Variants in KLHL3 observed in about 807,000 individuals in gnomAD.
KLHL3 encodes kelch-like protein 3.
KLHL3 carries 19 observed loss-of-function variants against 70.5 expected under a neutral mutation model. The ratio of observed to expected loss-of-function variants is 0.27; its 90% CI spans 0.19 to 0.40. The LOEUF (loss-of-function observed/expected upper bound fraction) is 0.40, where lower values mean the gene tolerates loss of function less well. KLHL3 is among the 10% of genes least tolerant of loss of function. The pLI, the probability that KLHL3 is intolerant of heterozygous loss-of-function variation, is 1.00. For synonymous variants in KLHL3, 258 were observed against 290.3 expected, an observed-to-expected ratio of 0.89 and a Z score of 1.13; for missense variants, 512 against 771.1, an observed-to-expected ratio of 0.66 and a Z score of 3.98.
chr5:137,725,562 C>T (rs1753072654), intron 1 of KLHL3, among the ~76,000 whole-genome samples: 1 of 152,150 alleles, frequency 6.6e-6, no homozygotes, highest in South Asian at 2.1e-4. Context: ...ATTTAAGATT[C>T]AAATGGGTCA....
intron 6 of KLHL3, among the ~76,000 whole-genome samples, chr5:137,664,046 AT>A (rs200186248): frequency 8.7e-4 from 133 of 152,022 alleles, no homozygotes; most frequent in African/African-American, 3.0e-3. Flanking sequence ...AATATTCTTA[AT>A]TTTTTTTTAA....
intron 7 of KLHL3, chr5:137,660,703 C>T (rs1269116815): frequency 6.6e-6 from 1 of 152,204 alleles, no homozygotes; most frequent in Non-Finnish European, 1.5e-5. Flanking sequence ...ACTGTGTCAC[C>T]TGCTACTAAG....
intron 11 of KLHL3, among the ~76,000 whole-genome samples, chr5:137,635,822 C>T (rs371883495): frequency 2.8e-3 from 428 of 152,294 alleles, no homozygotes; most frequent in Non-Finnish European, 4.3e-3. Flanking sequence ...ACTTCTTCCA[C>T]ATACAGAACA....
In KLHL3 at chr5:137,716,243, TCTCA is replaced by T. The variant is rs570578512; in HGVS notation, c.134+4218_134+4221del. Among the ~76,000 whole-genome samples, 4 of 151,894 alleles carry T rather than the reference TCTCA, an allele frequency of 2.6e-5. No homozygotes were observed. In the South Asian group the frequency reaches 8.3e-4, roughly 32 times the overall value. On this transcript the variant is annotated intron_variant, in intron 2 of 14. Coordinates refer to ENST00000309755, the MANE Select transcript of KLHL3 (RefSeq NM_017415.3). The stretch of plus-strand genomic sequence containing the variant: ...CTTTTTTTTTTTTTAATGAGATGGG[TCTCA>T]CTATGTTGCCCAGGCTGGCCTCAGA...
chr5:137,714,758 A>G (rs1561617955), intron 2 of KLHL3, among the ~76,000 whole-genome samples: 2 of 152,230 alleles, frequency 1.3e-5, no homozygotes, highest in African/African-American at 4.8e-5. Context: ...TTAAATTGTA[A>G]CTTTAAACGG....
chr5:137,713,872 A>C (rs1393437458), intron 2 of KLHL3, among the ~76,000 whole-genome samples: 1 of 152,174 alleles, frequency 6.6e-6, no homozygotes, highest in Non-Finnish European at 1.5e-5. Context: ...AAAATGAACA[A>C]GAGATTTTTT....
chr5:137,660,101 A>G lies in KLHL3; in HGVS notation c.753+1814T>C, dbSNP rs552307421. Reference sequence around the variant, plus strand: ...GAAACATCCTATTCCAGAGGTGTTCACTCTGAGAGGCCTGATAAAAGGCCT... The same window carrying G: ...GAAACATCCTATTCCAGAGGTGTTCGCTCTGAGAGGCCTGATAAAAGGCCT... On this transcript the variant is annotated intron_variant, in intron 7 of 14. Transcript: ENST00000309755. 2.0e-5 allele frequency among the ~76,000 whole-genome samples: 3 copies of G among 152,292 alleles called. No homozygotes were observed. The East Asian group carries it at 5.8e-4, about 29-fold the overall frequency.
rs965352118 is a variant in KLHL3 at position 137,640,036 on chromosome 5, C to G, written c.904-59G>C. 99 of 1,377,796 alleles carry G rather than the reference C, an allele frequency of 7.2e-5. 2 individuals carry two copies. The Middle Eastern group carries it at 8.9e-4, about 12-fold the overall frequency. 85.3% of individuals were successfully genotyped at this position (1,377,796 alleles called of 1,614,324 possible). ...CCCCAAAATCTGGATTTATGGTATC[C>G]CTGGTACTTCCACATGGCTTATCGC... On this transcript the variant is annotated intron_variant, in intron 8 of 14. Transcript: ENST00000309755.
chr5:137,647,200 C>T (rs2149889764), intron 8 of KLHL3, among the ~76,000 whole-genome samples: 1 of 152,326 alleles, frequency 6.6e-6, no homozygotes, highest in South Asian at 2.1e-4. Flanking sequence ...GGAAATTTTA[C>T]TCCCAGCATA....
chr5:137,688,843 C>T (rs953891150), intron 5 of KLHL3, among the ~76,000 whole-genome samples: 10 of 152,210 alleles, frequency 6.6e-5, no homozygotes, highest in African/African-American at 1.9e-4. Flanking sequence ...GCTCAATAAA[C>T]ACTAGCTAAG....
chr5:137,642,883 CAA>C (rs1054622031), intron 8 of KLHL3, among the ~76,000 whole-genome samples: 1 of 150,082 alleles, frequency 6.7e-6, no homozygotes, highest in African/African-American at 2.4e-5. Flanking sequence ...AAAAAAAAGG[CAA>C]AGTTTTCAGG....
intron 1 of KLHL3, among the ~76,000 whole-genome samples, chr5:137,726,131 C>T (rs1753081349): frequency 6.6e-6 from 1 of 152,206 alleles, no homozygotes; most frequent in African/African-American, 2.4e-5. Flanking sequence ...TTCAGATCCT[C>T]ACTGCACACA....
intron 10 of KLHL3, among the ~76,000 whole-genome samples, chr5:137,637,709 G>C (rs560003735): frequency 2.0e-5 from 3 of 152,186 alleles, no homozygotes; most frequent in Non-Finnish European, 4.4e-5. Flanking sequence ...AGTCACCTGA[G>C]GTAGCCTCAC....
At chr5:137,661,254 T>C (rs1018801423) in intron 7 of KLHL3, 1 of 152,316 alleles carries the variant, frequency 6.6e-6, no homozygotes, top group East Asian at 1.9e-4. Context: ...CCAACCTCCA[T>C]AAGCCTCAAG....
intron 12 of KLHL3, among the ~76,000 whole-genome samples, chr5:137,631,991 T>C (rs762693722): frequency 1.3e-5 from 2 of 152,210 alleles, no homozygotes; most frequent in Non-Finnish European, 2.9e-5. Context: ...CACTCATGAC[T>C]GATTAAAGAA....
intron 12 of KLHL3, among the ~76,000 whole-genome samples, chr5:137,633,210 C>T (rs1044941735): frequency 2.3e-5 from 3 of 127,916 alleles, no homozygotes; most frequent in Non-Finnish European, 3.1e-5. Context: ...ACCCGGGAGG[C>T]GGAGCTTGCA....
chr5:137,627,103 T>C (rs537822635), intron 13 of KLHL3, among the ~76,000 whole-genome samples: 74 of 152,328 alleles, frequency 4.9e-4, no homozygotes, highest in Non-Finnish European at 1.0e-3. Context: ...GTATTACTTA[T>C]AGGATAGAAA....
At chr5:137,670,369 C>T (rs1580747958) in intron 6 of KLHL3, among the ~76,000 whole-genome samples, 5 of 151,792 alleles carry the variant, frequency 3.3e-5, no homozygotes, top group South Asian at 2.1e-4. Flanking sequence ...TACCAAAAGA[C>T]ATATCAAAGA....
chr5:137,637,047 T>C (rs1350517529), intron 11 of KLHL3, among the ~76,000 whole-genome samples: 1 of 152,216 alleles, frequency 6.6e-6, no homozygotes, highest in Non-Finnish European at 1.5e-5. Flanking sequence ...CAGGCCGGCA[T>C]TTCCCCTCTA....
Sources: gnomAD v4.1 joint callset for allele counts (sites outside exome capture counted in the v4.1 genomes callset) on GRCh38, gnomAD v4.1.1 for gene constraint, MANE v1.5 for transcripts, NCBI Gene and HGNC (gene_info 2026-07-23, HGNC 2026-07-21) for gene names.